FBP1: variants seen among roughly 807,000 people sequenced by gnomAD.
The protein encoded by FBP1 is fructose-1,6-bisphosphatase 1.
In FBP1, 22 loss-of-function variants were observed where a neutral mutation model predicts 29.9. The observed-to-expected ratio is 0.74, with a 90% CI of 0.53 to 1.05. The LOEUF (loss-of-function observed/expected upper bound fraction) is 1.05. FBP1 is among the 50% of genes least tolerant of loss of function. The pLI is 0.00. For missense variants in FBP1, 345 were observed against 448.2 expected, an observed-to-expected ratio of 0.77 and a Z score of 2.08; for synonymous variants, 175 against 178.6, an observed-to-expected ratio of 0.98 and a Z score of 0.16.
At chr9:94,639,004 G>A (rs1563991452) in intron 1 of FBP1, 137 bp downstream of exon 1, 5 of 883,842 alleles carry the variant, frequency 5.7e-6, no homozygotes, top group African/African-American at 3.3e-5. Context: ...CAGACAGAGA[G>A]CGAGAGAGGC....
At chr9:94,617,992 C>T (rs765018958) in intron 2 of FBP1, 132 bp from the exon 3 acceptor site, 5 of 704,136 alleles carry the variant, frequency 7.1e-6, no homozygotes, top group Admixed American at 2.1e-5. Flanking sequence ...TTTGTACTGT[C>T]ATGGAAGGCA....
intron 3 of FBP1, among the ~76,000 whole-genome samples, chr9:94,611,018 C>T (rs1012972599): frequency 1.3e-5 from 2 of 152,096 alleles, no homozygotes; most frequent in Admixed American, 6.5e-5. Flanking sequence ...CGCCTGCCAC[C>T]ACACCCAGTT....
At chr9:94,633,103 C>CTTGTTT (rs953551912) in intron 1 of FBP1, among the ~76,000 whole-genome samples, 9 of 152,158 alleles carry the variant, frequency 5.9e-5, no homozygotes, top group Non-Finnish European at 1.3e-4. Context: ...CCAGCTCCTC[C>CTTGTTT]TTGTTTTTGT....
At chr9:94,613,517 C>G (rs969559458) in intron 3 of FBP1, among the ~76,000 whole-genome samples, 2 of 139,226 alleles carry the variant, frequency 1.4e-5, no homozygotes, top group Non-Finnish European at 3.2e-5. Flanking sequence ...GTAATCCCAA[C>G]ACTTTGGGAG....
rs1828202933 is a variant in FBP1 at position 94,637,171 on chromosome 9, T to TA, written c.170+1969dup. ...ACAGTAATGGAGTCATCACCTTCCT[T>TA]AACATGTCTGCTTAATATTCAAAAA... is the stretch of plus-strand genomic sequence containing the variant. On this transcript the variant is annotated intron_variant, in intron 1 of 6. Transcript: ENST00000375326. Among the ~76,000 whole-genome samples, 3 of 152,142 alleles carry TA rather than the reference T, an allele frequency of 2.0e-5. No homozygotes were observed. The South Asian group carries it at 6.2e-4, about 32-fold the overall frequency.
intron 5 of FBP1, 139 bp downstream of exon 5, chr9:94,606,676 T>C: frequency 2.5e-6 from 2 of 790,718 alleles, no homozygotes; most frequent in Non-Finnish European, 4.1e-6. Context: ...ATTTCCACAC[T>C]GCTCAGGAGC....
At chr9:94,611,486 C>T (rs1262685494) in intron 3 of FBP1, among the ~76,000 whole-genome samples, 3 of 152,178 alleles carry the variant, frequency 2.0e-5, no homozygotes, top group Non-Finnish European at 2.9e-5. Context: ...GGGGTCATGA[C>T]TCATCCCTAT....
chr9:94,634,863 G>A lies in FBP1; in HGVS notation c.170+4278C>T, dbSNP rs370543846. On this transcript the variant is annotated intron_variant, in intron 1 of 6. Coordinates refer to ENST00000375326, the MANE Select transcript of FBP1 (RefSeq NM_000507.4). ...TCTAATCCCAGCACTTTGGGAGGCC[G>A]AGGCAGGTGGATCACTTGAGGCCAG... 8.5e-5 allele frequency among the ~76,000 whole-genome samples: 13 copies of A among 152,208 alleles called. No individual in the cohort carries two copies. The East Asian group carries it at 9.6e-4, about 11-fold the overall frequency.
intron 3 of FBP1, among the ~76,000 whole-genome samples, chr9:94,611,215 A>G (rs1369351652): frequency 2.0e-5 from 3 of 152,154 alleles, no homozygotes; most frequent in Admixed American, 2.0e-4. Flanking sequence ...AGACAGCCCC[A>G]AACAAATCTT....
intron 3 of FBP1, among the ~76,000 whole-genome samples, chr9:94,611,622 G>A (rs11999744): frequency 0.11 from 16,933 of 152,146 alleles, 3,130 homozygotes; most frequent in African/African-American, 0.38. Context: ...AGCCAGGCAT[G>A]GTGGCATGTG....
At chr9:94,607,086 C>T (rs569696883) in intron 4 of FBP1, 134 bp from the exon 5 acceptor site, 15 of 1,038,680 alleles carry the variant, frequency 1.4e-5, no homozygotes, top group African/African-American at 6.2e-5. Flanking sequence ...CTTGGGGCCC[C>T]GAGACACCTG....
intron 1 of FBP1, among the ~76,000 whole-genome samples, chr9:94,633,998 G>A (rs1224811416): frequency 2.0e-5 from 3 of 150,416 alleles, no homozygotes; most frequent in Admixed American, 1.3e-4. Context: ...GAGCCACCGC[G>A]AAAGCATCTT....
At chr9:94,637,677 C>T (rs10993272) in intron 1 of FBP1, among the ~76,000 whole-genome samples, 6 of 152,154 alleles carry the variant, frequency 3.9e-5, no homozygotes, top group African/African-American at 1.2e-4. Flanking sequence ...AGGCTAGAGC[C>T]TACGCGCCCA....
chr9:94,626,684 A>C (rs185663337), intron 1 of FBP1, among the ~76,000 whole-genome samples: 23 of 152,344 alleles, frequency 1.5e-4, no homozygotes, highest in Admixed American at 5.2e-4. Flanking sequence ...CTCAGAAACA[A>C]GCTCAAGGAC....
chr9:94,634,293 CAAAA>C (rs1480502775), intron 1 of FBP1, among the ~76,000 whole-genome samples: 1 of 89,884 alleles, frequency 1.1e-5, no homozygotes. Flanking sequence ...GACTCTGCCT[CAAAA>C]AAAAAAAAAA....
At chr9:94,609,765 CTT>C (rs1193918797) in intron 4 of FBP1, among the ~76,000 whole-genome samples, 154 bp downstream of exon 4, 1 of 152,212 alleles carries the variant, frequency 6.6e-6, no homozygotes, top group Non-Finnish European at 1.5e-5. Flanking sequence ...TACACTCTCT[CTT>C]GGTCTCCTGC....
chr9:94,625,790 G>T (rs1387070066), intron 1 of FBP1, among the ~76,000 whole-genome samples: 1 of 151,010 alleles, frequency 6.6e-6, no homozygotes, highest in African/African-American at 2.4e-5. Flanking sequence ...GCGAGACTCC[G>T]TCAAAAAGAA....
At chr9:94,625,371 C>T (rs929782271) in intron 1 of FBP1, among the ~76,000 whole-genome samples, 3 of 152,222 alleles carry the variant, frequency 2.0e-5, no homozygotes, top group African/African-American at 2.4e-5. Context: ...TCTGCAAGGA[C>T]GCATGGCACA....
chr9:94,620,922 T>C (rs934199277), intron 1 of FBP1, among the ~76,000 whole-genome samples: 4 of 152,188 alleles, frequency 2.6e-5, no homozygotes, highest in Non-Finnish European at 4.4e-5. Flanking sequence ...TAATAATTTT[T>C]TTAAAAAAGG....
Sources: gnomAD v4.1 joint callset for allele counts (sites outside exome capture counted in the v4.1 genomes callset) on GRCh38, gnomAD v4.1.1 for gene constraint, MANE v1.5 for transcripts, NCBI Gene and HGNC (gene_info 2026-07-23, HGNC 2026-07-21) for gene names.